The following CSMD1 variants were observed in gnomAD, a reference collection of about 807,000 sequenced individuals.
CSMD1 encodes CUB and Sushi multiple domains 1.
In CSMD1, 213 loss-of-function variants were observed where a neutral mutation model predicts 417.5. The ratio of observed to expected loss-of-function variants is 0.51; its 90% CI spans 0.46 to 0.57. CSMD1 has a LOEUF of 0.57. CSMD1 is among the 20% of genes least tolerant of loss of function. CSMD1 has a pLI of 0.00. For synonymous variants in CSMD1, 2,862 were observed against 1,736.8 expected (o/e 1.65, Z -16.11); for missense variants, 6,923 against 4,529.7 (o/e 1.53, Z -15.17).
intron 5 of CSMD1, among the ~76,000 whole-genome samples, chr8:3,868,730 C>T (rs1205041758): frequency 6.6e-6 from 1 of 152,176 alleles, no homozygotes; most frequent in Non-Finnish European, 1.5e-5. Flanking sequence ...ACTCCTGACC[C>T]TCTGCTCTCT....
At chr8:3,333,008 G>A (rs187617803) in intron 23 of CSMD1, among the ~76,000 whole-genome samples, 1 of 152,174 alleles carries the variant, frequency 6.6e-6, no homozygotes, top group Non-Finnish European at 1.5e-5. Flanking sequence ...CCTCCATGAG[G>A]TGAGGGCTCC....
chr8:4,628,407 CACATATATAT>C (rs1456942321), intron 2 of CSMD1, among the ~76,000 whole-genome samples: 3 of 114,460 alleles, frequency 2.6e-5, no homozygotes, highest in African/African-American at 6.3e-5. Flanking sequence ...CATATATATA[CACATATATAT>C]ACATATATAT....
chr8:4,390,727 A>T (rs561837428), intron 3 of CSMD1, among the ~76,000 whole-genome samples: 2 of 151,576 alleles, frequency 1.3e-5, no homozygotes, highest in South Asian at 4.2e-4. Flanking sequence ...GTTAGCCAGG[A>T]TGGTCTCGAT....
At chr8:4,680,234 C>T (rs1805952016) in intron 1 of CSMD1, among the ~76,000 whole-genome samples, 1 of 152,200 alleles carries the variant, frequency 6.6e-6, no homozygotes, top group Non-Finnish European at 1.5e-5. Context: ...TGCTTCTGGA[C>T]ATTCCGCTGA....
chr8:4,208,952 T>C (rs549010022), intron 3 of CSMD1, among the ~76,000 whole-genome samples: 4 of 152,346 alleles, frequency 2.6e-5, no homozygotes, highest in East Asian at 1.9e-4. Flanking sequence ...CCCTTTGCAG[T>C]ACGCAATTTA....
intron 51 of CSMD1, among the ~76,000 whole-genome samples, chr8:3,019,330 A>C (rs771345420): frequency 6.6e-6 from 1 of 152,196 alleles, no homozygotes; most frequent in Non-Finnish European, 1.5e-5. Flanking sequence ...TAAATTGTCT[A>C]TCTCTCTACC....
chr8:4,179,881 C>T (rs910397124), intron 3 of CSMD1, among the ~76,000 whole-genome samples: 13 of 152,082 alleles, frequency 8.5e-5, no homozygotes, highest in African/African-American at 3.1e-4. Context: ...CAATGAGATA[C>T]CATCTCACAC....
intron 1 of CSMD1, among the ~76,000 whole-genome samples, chr8:4,930,118 C>A (rs1807147863): frequency 2.0e-5 from 3 of 152,130 alleles, no homozygotes; most frequent in Non-Finnish European, 4.4e-5. Context: ...TTTTGTGTGA[C>A]CTTACATCAA....
At chr8:3,984,914 C>T (rs572555642) in intron 5 of CSMD1, among the ~76,000 whole-genome samples, 2 of 151,834 alleles carry the variant, frequency 1.3e-5, no homozygotes, top group East Asian at 1.9e-4. Flanking sequence ...TTTCAAGCTT[C>T]ATTGTAGTTC....
intron 3 of CSMD1, among the ~76,000 whole-genome samples, chr8:4,157,715 G>A (rs1172019805): frequency 6.6e-6 from 1 of 152,210 alleles, no homozygotes; most frequent in African/African-American, 2.4e-5. Context: ...CTGCACAGTT[G>A]TCCCTCTGGC....
chr8:4,277,843 G>A (rs901048597), intron 3 of CSMD1, among the ~76,000 whole-genome samples: 7 of 152,070 alleles, frequency 4.6e-5, no homozygotes, highest in African/African-American at 1.7e-4. Context: ...TGCCTCCCTG[G>A]TTCACACCAT....
intron 7 of CSMD1, among the ~76,000 whole-genome samples, chr8:3,697,575 T>A (rs904164849): frequency 1.3e-5 from 2 of 152,220 alleles, no homozygotes; most frequent in African/African-American, 2.4e-5. Context: ...TCATGTAAGA[T>A]GATTTTATTA....
intron 10 of CSMD1, among the ~76,000 whole-genome samples, chr8:3,543,452 A>G (rs1798528156): frequency 6.6e-6 from 1 of 152,132 alleles, no homozygotes; most frequent in South Asian, 2.1e-4. Context: ...GTTAGGAGAG[A>G]TTTGCAATAA....
chr8:4,128,505 A>C (rs3902137), intron 3 of CSMD1, among the ~76,000 whole-genome samples: 72,657 of 152,084 alleles, frequency 0.48, 17,660 homozygotes, highest in African/African-American at 0.56. Flanking sequence ...CAAACAAACA[A>C]ACACATTGCT....
chr8:4,265,660 A>C lies in CSMD1; in HGVS notation c.415+154293T>G, dbSNP rs530117758. 2.7e-3 allele frequency among the ~76,000 whole-genome samples: 284 copies of C among 105,592 alleles called. 102 individuals are homozygous for C. The highest frequency in any genetic ancestry group is 5.6e-3 in the Non-Finnish European group (220 of 39,188). 69.3% of individuals were successfully genotyped at this position (105,592 alleles called of 152,430 possible). On this transcript the variant is annotated intron_variant, in intron 3 of 69. Coordinates refer to ENST00000635120, the MANE Select transcript of CSMD1 (RefSeq NM_033225.6). ...TATATTAGGGAAAAATTCTGTCAGC[A>C]TTTTGATAAATGATCTGGCTCTGAA...
chr8:4,607,623 G>A (rs1015946589), intron 2 of CSMD1, among the ~76,000 whole-genome samples: 1 of 151,958 alleles, frequency 6.6e-6, no homozygotes, highest in African/African-American at 2.4e-5. Context: ...GAGTTCTGGC[G>A]CCAGCCATTT....
intron 5 of CSMD1, among the ~76,000 whole-genome samples, chr8:3,902,720 C>T (rs138729348): frequency 2.0e-5 from 3 of 152,140 alleles, no homozygotes; most frequent in African/African-American, 7.2e-5. Flanking sequence ...CAGTCCATGG[C>T]CCCGGGATTA....
intron 5 of CSMD1, among the ~76,000 whole-genome samples, chr8:3,802,007 T>C (rs985074748): frequency 2.0e-5 from 3 of 152,082 alleles, no homozygotes; most frequent in Non-Finnish European, 4.4e-5. Context: ...TAAAATCGGA[T>C]TGTGATGACT....
At chr8:4,162,446 G>A (rs1025989921) in intron 3 of CSMD1, among the ~76,000 whole-genome samples, 3 of 152,098 alleles carry the variant, frequency 2.0e-5, no homozygotes, top group Non-Finnish European at 4.4e-5. Flanking sequence ...CAGAATAGAG[G>A]TGAATTCAAG....
Sources: allele counts gnomAD v4.1 joint callset (sites outside exome capture counted in the v4.1 genomes callset), GRCh38; gene constraint gnomAD v4.1.1; transcripts MANE v1.5; gene names NCBI Gene and HGNC (gene_info 2026-07-23, HGNC 2026-07-21).